CSTPP1: variants seen among roughly 807,000 people sequenced by gnomAD.
The protein encoded by CSTPP1 is centriolar satellite-associated tubulin polyglutamylase complex regulator 1.
the CSTPP1 span, among the ~76,000 whole-genome samples, chr11:46,988,719 C>A: frequency 4.6e-5 from 7 of 152,182 alleles, no homozygotes; most frequent in Admixed American, 1.3e-4. Flanking sequence ...TCAAAGGGTA[C>A]ATTTAGATTG....
the CSTPP1 span, among the ~76,000 whole-genome samples, chr11:47,114,209 A>G: frequency 6.6e-6 from 1 of 152,064 alleles, no homozygotes; most frequent in Non-Finnish European, 1.5e-5. Flanking sequence ...TGGTCAATAT[A>G]TCTGTTTTGG....
the CSTPP1 span, among the ~76,000 whole-genome samples, chr11:47,082,007 G>A: frequency 1.3e-5 from 2 of 150,688 alleles, no homozygotes; most frequent in Admixed American, 1.3e-4. Flanking sequence ...AGGTAATTGC[G>A]GCTTTTGCCA....
At chr11:46,950,087 C>T in the CSTPP1 span, among the ~76,000 whole-genome samples, 1 of 151,904 alleles carries the variant, frequency 6.6e-6, no homozygotes, top group South Asian at 2.1e-4. Flanking sequence ...CTTTTGTTTT[C>T]AATTACAGTT....
chr11:47,108,765 GGCACAATCT>G, the CSTPP1 span, among the ~76,000 whole-genome samples: 10 of 142,142 alleles, frequency 7.0e-5, no homozygotes, highest in African/African-American at 2.6e-4. Context: ...GGAGTACAGT[GGCACAATCT>G]CAGCTCACTG....
chr11:46,982,809 A>C, the CSTPP1 span, among the ~76,000 whole-genome samples: 1 of 152,198 alleles, frequency 6.6e-6, no homozygotes. Context: ...ATAAGGGGGT[A>C]AGGGGCTAAT....
the CSTPP1 span, among the ~76,000 whole-genome samples, chr11:47,060,071 T>A: frequency 2.8e-5 from 4 of 145,300 alleles, no homozygotes; most frequent in African/African-American, 1.0e-4. Context: ...GCCACTGCAC[T>A]CCAGCCTAGG....
the CSTPP1 span, chr11:47,041,566 C>T: frequency 2.5e-6 from 1 of 404,310 alleles, no homozygotes; most frequent in Non-Finnish European, 5.0e-6. Context: ...CTCAGCATAG[C>T]TCATGGCCTC....
the CSTPP1 span, among the ~76,000 whole-genome samples, chr11:47,086,366 A>G: frequency 6.6e-6 from 1 of 151,852 alleles, no homozygotes; most frequent in East Asian, 1.9e-4. Flanking sequence ...AGATTGCGCC[A>G]CTGCACTCCA....
the CSTPP1 span, among the ~76,000 whole-genome samples, chr11:47,068,403 G>A: frequency 1.8e-4 from 28 of 151,916 alleles, no homozygotes; most frequent in South Asian, 2.5e-3. Context: ...ACGGTGGCGC[G>A]CGCCTGTAAT....
chr11:47,060,658 G>T, the CSTPP1 span, among the ~76,000 whole-genome samples: 2 of 152,152 alleles, frequency 1.3e-5, no homozygotes, highest in African/African-American at 2.4e-5. Flanking sequence ...GAAAGGATGG[G>T]TTGGGGGTGA....
chr11:46,938,639 C>T, the CSTPP1 span, among the ~76,000 whole-genome samples: 1 of 151,806 alleles, frequency 6.6e-6, no homozygotes, highest in African/African-American at 2.4e-5. Flanking sequence ...GTAAATTTTT[C>T]AGATGGGCTT....
chr11:47,108,667 A>C, the CSTPP1 span, among the ~76,000 whole-genome samples: 25 of 151,208 alleles, frequency 1.7e-4, no homozygotes, highest in African/African-American at 6.1e-4. Context: ...TAGAAAGTTC[A>C]GAAACCCACA....
the CSTPP1 span, chr11:47,161,356 TG>T: frequency 1.9e-6 from 3 of 1,587,092 alleles, no homozygotes; most frequent in Non-Finnish European, 2.6e-6. Flanking sequence ...CTGAGTCCTT[TG>T]GGGGCTGCAG....
At chr11:47,137,192 A>T in the CSTPP1 span, 417 of 1,011,808 alleles carry the variant, frequency 4.1e-4, 7 homozygotes, top group South Asian at 5.5e-3. Flanking sequence ...ACACAGCAAG[A>T]CTGTTTGCGT....
chr11:47,110,267 A>G, the CSTPP1 span, among the ~76,000 whole-genome samples: 1 of 152,208 alleles, frequency 6.6e-6, no homozygotes, highest in Non-Finnish European at 1.5e-5. Flanking sequence ...AGAATCTAGC[A>G]CAGTCCCTGG....
the CSTPP1 span, among the ~76,000 whole-genome samples, chr11:47,047,191 G>A: frequency 6.6e-6 from 1 of 152,130 alleles, no homozygotes; most frequent in African/African-American, 2.4e-5. Flanking sequence ...GTGAGCCACC[G>A]CACCTGGCGA....
the CSTPP1 span, among the ~76,000 whole-genome samples, chr11:47,010,642 A>G: frequency 6.6e-6 from 1 of 152,226 alleles, no homozygotes; most frequent in Non-Finnish European, 1.5e-5. Context: ...GCTTGCAACC[A>G]AGAACCCTAT....
At chr11:46,981,240 G>A in the CSTPP1 span, among the ~76,000 whole-genome samples, 1 of 150,742 alleles carries the variant, frequency 6.6e-6, no homozygotes, top group East Asian at 1.9e-4. Flanking sequence ...TTTTATAAAA[G>A]ATCTCCAGAC....
chr11:47,091,413 T>A, the CSTPP1 span, among the ~76,000 whole-genome samples: 1 of 152,286 alleles, frequency 6.6e-6, no homozygotes, highest in African/African-American at 2.4e-5. Context: ...TTCATGTGGT[T>A]AAGTGGCAGA....
Sources: gnomAD v4.1 joint callset for allele counts (sites outside exome capture counted in the v4.1 genomes callset) on GRCh38, gnomAD v4.1.1 for gene constraint, MANE v1.5 for transcripts, NCBI Gene and HGNC (gene_info 2026-07-23, HGNC 2026-07-21) for gene names.